The following NCKAP5 variants were observed in gnomAD, a reference collection of about 807,000 sequenced individuals.
NCKAP5 encodes the protein NCK associated protein 5.
In NCKAP5, 92 loss-of-function variants were observed where a neutral mutation model predicts 167.0. That is an observed-to-expected ratio of 0.55 (90% CI 0.47 to 0.66). The LOEUF (loss-of-function observed/expected upper bound fraction) is 0.66, where lower values mean the gene tolerates loss of function less well. NCKAP5 is among the 30% of genes least tolerant of loss of function. The probability of loss-of-function intolerance (pLI) is 0.00; values close to 1 mark genes in which losing one functional copy is unlikely to be tolerated. For missense variants in NCKAP5, 2,378 were observed against 2,315.0 expected, an observed-to-expected ratio of 1.03 and a Z score of -0.56; for synonymous variants, 891 against 877.4, an observed-to-expected ratio of 1.02 and a Z score of -0.27.
chr2:132,976,686 A>G (rs2076987563), intron 7 of NCKAP5, among the ~76,000 whole-genome samples: 1 of 152,012 alleles, frequency 6.6e-6, no homozygotes, highest in African/African-American at 2.4e-5. Context: ...ATGTGAGGTA[A>G]TGCATATGTT....
intron 18 of NCKAP5, among the ~76,000 whole-genome samples, chr2:132,728,233 T>A (rs1044180415): frequency 1.3e-5 from 2 of 152,184 alleles, no homozygotes; most frequent in East Asian, 3.9e-4. Flanking sequence ...CCACTAGGAA[T>A]GAGCAAGGAG....
At chr2:133,264,671 T>C (rs940762964) in intron 4 of NCKAP5, among the ~76,000 whole-genome samples, 5 of 152,140 alleles carry the variant, frequency 3.3e-5, no homozygotes, top group Non-Finnish European at 4.4e-5. Context: ...CTGCCAAAAA[T>C]ATTGGGGTCC....
intron 4 of NCKAP5, among the ~76,000 whole-genome samples, chr2:133,291,762 G>A (rs1303008449): frequency 1.3e-5 from 2 of 152,208 alleles, no homozygotes; most frequent in South Asian, 2.1e-4. Flanking sequence ...AAAGACGTTT[G>A]CGTTCCCACG....
At chr2:133,257,090 T>G (rs955685702) in intron 4 of NCKAP5, among the ~76,000 whole-genome samples, 2 of 152,218 alleles carry the variant, frequency 1.3e-5, no homozygotes, top group African/African-American at 4.8e-5. Context: ...ACGAACTTTT[T>G]CAGCTTGAAG....
chr2:132,846,045 A>G (rs1343486770), intron 11 of NCKAP5, among the ~76,000 whole-genome samples: 3 of 152,080 alleles, frequency 2.0e-5, no homozygotes, highest in Admixed American at 6.6e-5. Flanking sequence ...ATTATGAATG[A>G]AATCTTTTCT....
intron 3 of NCKAP5, among the ~76,000 whole-genome samples, chr2:133,492,144 A>T (rs1017367): frequency 0.12 from 16,554 of 141,470 alleles, 1,282 homozygotes; most frequent in Non-Finnish European, 0.17. Context: ...ATATCTAGTT[A>T]GTGTGTGTGT....
intron 2 of NCKAP5, among the ~76,000 whole-genome samples, chr2:133,557,349 C>A (rs1687813930): frequency 2.0e-5 from 3 of 152,178 alleles, no homozygotes; most frequent in Admixed American, 2.0e-4. Flanking sequence ...GTCACCTCCA[C>A]AAATAGCAAA....
chr2:133,635,024 C>T, the NCKAP5 span, among the ~76,000 whole-genome samples: 1 of 152,038 alleles, frequency 6.6e-6, no homozygotes, highest in South Asian at 2.1e-4. Context: ...TGGGCACCTG[C>T]CACCACACAT....
At chr2:133,295,612 C>T (rs765929886) in intron 4 of NCKAP5, among the ~76,000 whole-genome samples, 10 of 152,242 alleles carry the variant, frequency 6.6e-5, no homozygotes, top group South Asian at 2.1e-4. Flanking sequence ...TGAGAGGGGA[C>T]GACTTTGTCC....
chr2:132,878,585 T>C (rs772418035), intron 9 of NCKAP5, among the ~76,000 whole-genome samples: 6 of 150,666 alleles, frequency 4.0e-5, no homozygotes, highest in Non-Finnish European at 7.4e-5. Flanking sequence ...GATGCCTGGA[T>C]AAGGAATTAG....
At chr2:133,419,540 G>A (rs1406308819) in intron 3 of NCKAP5, among the ~76,000 whole-genome samples, 2 of 152,264 alleles carry the variant, frequency 1.3e-5, no homozygotes, top group African/African-American at 4.8e-5. Flanking sequence ...GAGTTCCAAT[G>A]TTTCCTTCCC....
intron 3 of NCKAP5, among the ~76,000 whole-genome samples, chr2:133,427,302 G>A (rs1358063616): frequency 6.6e-6 from 1 of 152,096 alleles, no homozygotes; most frequent in Non-Finnish European, 1.5e-5. Flanking sequence ...TTTGAAAATG[G>A]GTATTTTTTA....
At chr2:133,240,661 C>T (rs1056497763) in intron 4 of NCKAP5, among the ~76,000 whole-genome samples, 4 of 152,146 alleles carry the variant, frequency 2.6e-5, no homozygotes, top group Non-Finnish European at 5.9e-5. Flanking sequence ...ACAAAAAGTG[C>T]TTTTTGCCAG....
chr2:133,054,678 A>C (rs1445719452), intron 6 of NCKAP5, among the ~76,000 whole-genome samples: 2 of 152,212 alleles, frequency 1.3e-5, no homozygotes, highest in Non-Finnish European at 2.9e-5. Flanking sequence ...TGGGGTTAGA[A>C]ATACTAAAAA....
chr2:132,720,986 G>A (rs1689863922), intron 19 of NCKAP5, among the ~76,000 whole-genome samples: 1 of 147,072 alleles, frequency 6.8e-6, no homozygotes, highest in African/African-American at 2.6e-5. Flanking sequence ...ACTCCATCCA[G>A]CCTAGGTACA....
At chr2:132,753,375 G>A (rs1680273813) in intron 16 of NCKAP5, among the ~76,000 whole-genome samples, 1 of 152,026 alleles carries the variant, frequency 6.6e-6, no homozygotes, top group Admixed American at 6.5e-5. Flanking sequence ...TGAATCTGGT[G>A]TTTCAAAATG....
At chr2:133,103,226 T>A (rs1367487742) in intron 6 of NCKAP5, among the ~76,000 whole-genome samples, 1 of 152,230 alleles carries the variant, frequency 6.6e-6, no homozygotes, top group Non-Finnish European at 1.5e-5. Context: ...CTATTCTATG[T>A]TTGACTATTT....
At chr2:133,089,942 G>A (rs1188614325) in intron 6 of NCKAP5, among the ~76,000 whole-genome samples, 3 of 152,140 alleles carry the variant, frequency 2.0e-5, no homozygotes, top group African/African-American at 7.2e-5. Flanking sequence ...ATACTATTCA[G>A]TCTTTTCTTT....
intron 4 of NCKAP5, among the ~76,000 whole-genome samples, chr2:133,225,779 CTTT>C (rs1003972708): frequency 7.6e-5 from 3 of 39,722 alleles, no homozygotes; most frequent in African/African-American, 1.8e-4. Context: ...ATGCCCTGTT[CTTT>C]TTTTTTTTTT....
Sources: allele counts gnomAD v4.1 joint callset (sites outside exome capture counted in the v4.1 genomes callset), GRCh38; gene constraint gnomAD v4.1.1; transcripts MANE v1.5; gene names NCBI Gene and HGNC (gene_info 2026-07-23, HGNC 2026-07-21).